The following RGL1 variants were observed in gnomAD, a reference collection of about 807,000 sequenced individuals.
RGL1 encodes ral guanine nucleotide dissociation stimulator-like 1.
In RGL1, 24 loss-of-function variants were observed where a neutral mutation model predicts 95.2. The ratio of observed to expected loss-of-function variants is 0.25; its 90% CI spans 0.18 to 0.35. The LOEUF (loss-of-function observed/expected upper bound fraction) is 0.35, where lower values mean the gene tolerates loss of function less well. RGL1 is among the 10% of genes least tolerant of loss of function. The probability of loss-of-function intolerance (pLI) is 1.00; values close to 1 mark genes in which losing one functional copy is unlikely to be tolerated. For synonymous variants in RGL1, 329 were observed against 344.9 expected (o/e 0.95, Z 0.51); for missense variants, 715 against 936.3 (o/e 0.76, Z 3.08).
chr1:183,791,726 C>A (rs568970178), intron 2 of RGL1, among the ~76,000 whole-genome samples: 11 of 152,214 alleles, frequency 7.2e-5, no homozygotes, highest in African/African-American at 2.4e-4. Context: ...AATCTCCTGT[C>A]TGAAGTATTC....
At chr1:183,707,892 G>A (rs1196624076) in intron 1 of RGL1, among the ~76,000 whole-genome samples, 1 of 152,020 alleles carries the variant, frequency 6.6e-6, no homozygotes, top group Admixed American at 6.6e-5. Context: ...GTGGGGAGGA[G>A]GAAGGCGATC....
chr1:183,825,889 G>A (rs1193696995), intron 2 of RGL1, among the ~76,000 whole-genome samples: 2 of 152,150 alleles, frequency 1.3e-5, no homozygotes, highest in Non-Finnish European at 2.9e-5. Flanking sequence ...AAGGCCAGAC[G>A]CAGAGGCCCA....
In RGL1 at chr1:183,880,668, C is replaced by T; in HGVS notation, c.478C>T (p.Arg160Ter). The change falls in exon 5 of 18, where the codon CGA becomes TGA. Residue 160 changes from arginine to a stop codon, truncating the protein, a stop_gained. Coordinates refer to ENST00000360851, the MANE Select transcript of RGL1 (RefSeq NM_001297671.3). LOFTEE classifies it high-confidence loss of function. ...GCTTGACCAGTGTGCAGAAGACTTC[C>T]GAGAGCCCCCTCACTTCCCTTGCTT... ...AWLDQCAEDFREPPHFPCLQK... is the reference protein window; with the variant it reads ...AWLDQCAEDF 1 of 1,613,900 alleles carries T rather than the reference C, an allele frequency of 6.2e-7. No homozygotes were observed. The highest frequency in any genetic ancestry group is 8.5e-7 in the Non-Finnish European group (1 of 1,179,848).
chr1:183,797,907 T>A (rs1035436703), intron 2 of RGL1, among the ~76,000 whole-genome samples: 1 of 152,234 alleles, frequency 6.6e-6, no homozygotes, highest in Non-Finnish European at 1.5e-5. Flanking sequence ...AGCTTTCATA[T>A]TGTTGGAGGA....
At chr1:183,661,304 C>T (rs1211337324) in intron 1 of RGL1, among the ~76,000 whole-genome samples, 1 of 152,080 alleles carries the variant, frequency 6.6e-6, no homozygotes, top group Non-Finnish European at 1.5e-5. Flanking sequence ...AATTGATAGA[C>T]CGCTAGCAAG....
At chr1:183,741,792 G>T (rs1302511316) in intron 1 of RGL1, among the ~76,000 whole-genome samples, 1 of 152,178 alleles carries the variant, frequency 6.6e-6, no homozygotes, top group Admixed American at 6.5e-5. Context: ...ACATCACTCA[G>T]GTTTGCCTGA....
chr1:183,889,502 G>A (rs1427921841), intron 8 of RGL1, among the ~76,000 whole-genome samples: 1 of 152,154 alleles, frequency 6.6e-6, no homozygotes, highest in African/African-American at 2.4e-5. Context: ...GAAGGTCTGG[G>A]TCCTCAGTTT....
chr1:183,683,638 G>A (rs770651873), intron 1 of RGL1, among the ~76,000 whole-genome samples: 11 of 152,146 alleles, frequency 7.2e-5, no homozygotes, highest in African/African-American at 1.2e-4. Context: ...TGACGATTAT[G>A]TGTCTTGGGG....
intron 2 of RGL1, among the ~76,000 whole-genome samples, chr1:183,774,713 G>A (rs1457521242): frequency 6.6e-6 from 1 of 151,406 alleles, no homozygotes; most frequent in Admixed American, 6.6e-5. Context: ...GTAGCTGGGA[G>A]TACAGGCGCA....
intron 1 of RGL1, chr1:183,646,701 A>G (rs139720952): frequency 6.6e-6 from 1 of 152,226 alleles, no homozygotes; most frequent in South Asian, 2.1e-4. Flanking sequence ...CTGCATTAGA[A>G]AGGGGAATGG....
chr1:183,823,963 T>A (rs1406707902), intron 2 of RGL1, among the ~76,000 whole-genome samples: 3 of 151,290 alleles, frequency 2.0e-5, no homozygotes, highest in African/African-American at 7.3e-5. Flanking sequence ...ATTCTTTTAA[T>A]TTTTTTTTAG....
At chr1:183,700,444 T>A (rs1572293874) in intron 1 of RGL1, among the ~76,000 whole-genome samples, 2 of 145,446 alleles carry the variant, frequency 1.4e-5, no homozygotes, top group African/African-American at 2.5e-5. Flanking sequence ...TTTTTTTTTT[T>A]AATTTGACTT....
intron 1 of RGL1, among the ~76,000 whole-genome samples, chr1:183,652,043 G>A (rs1379606799): frequency 1.3e-5 from 2 of 152,198 alleles, no homozygotes; most frequent in African/African-American, 4.8e-5. Flanking sequence ...CTCACCCATA[G>A]ACAATTTACA....
chr1:183,774,488 TC>T (rs1659481040), intron 2 of RGL1, among the ~76,000 whole-genome samples: 2 of 152,032 alleles, frequency 1.3e-5, no homozygotes, highest in South Asian at 4.1e-4. Flanking sequence ...GATCCAATAG[TC>T]CCATAGACAG....
chr1:183,739,461 CCT>C (rs1424993239), intron 1 of RGL1, among the ~76,000 whole-genome samples: 2 of 152,180 alleles, frequency 1.3e-5, no homozygotes, highest in Non-Finnish European at 2.9e-5. Context: ...AGTTATTTAA[CCT>C]CTCTGAATCT....
intron 1 of RGL1, among the ~76,000 whole-genome samples, chr1:183,734,495 T>C (rs1217280419): frequency 6.6e-6 from 1 of 152,226 alleles, no homozygotes; most frequent in Non-Finnish European, 1.5e-5. Flanking sequence ...GAGAGGGTTG[T>C]GTTGTCAATG....
At chr1:183,919,330 TACAGTG>T (rs1669179552) in intron 16 of RGL1, among the ~76,000 whole-genome samples, 1 of 152,202 alleles carries the variant, frequency 6.6e-6, no homozygotes, top group Non-Finnish European at 1.5e-5. Context: ...TACTGAAGAA[TACAGTG>T]ACAGCTAGTA....
chr1:183,716,771 AG>A (rs1329784863), intron 1 of RGL1, among the ~76,000 whole-genome samples: 1 of 152,228 alleles, frequency 6.6e-6, no homozygotes, highest in Non-Finnish European at 1.5e-5. Flanking sequence ...AAAATGTAAA[AG>A]CTTGTTGATA....
intron 2 of RGL1, among the ~76,000 whole-genome samples, chr1:183,844,379 A>G (rs1664276007): frequency 6.6e-6 from 1 of 152,224 alleles, no homozygotes; most frequent in Non-Finnish European, 1.5e-5. Context: ...TAATAAGCCA[A>G]AATTTTTCAA....
Sources: gnomAD v4.1 joint callset for allele counts (sites outside exome capture counted in the v4.1 genomes callset) on GRCh38, gnomAD v4.1.1 for gene constraint, MANE v1.5 for transcripts, NCBI Gene and HGNC (gene_info 2026-07-23, HGNC 2026-07-21) for gene names.